ZFHX3: variants seen among roughly 807,000 people sequenced by gnomAD.
ZFHX3 encodes the protein zinc finger homeobox protein 3.
ZFHX3 carries 42 observed loss-of-function variants against 279.1 expected under a neutral mutation model. That is an observed-to-expected ratio of 0.15 (90% CI 0.12 to 0.19). The LOEUF (loss-of-function observed/expected upper bound fraction) is 0.19. ZFHX3 is among the 10% of genes least tolerant of loss of function. The pLI, the probability that ZFHX3 is intolerant of heterozygous loss-of-function variation, is 1.00. For synonymous variants in ZFHX3, 2,293 were observed against 1,957.8 expected, an observed-to-expected ratio of 1.17 and a Z score of -4.52; for missense variants, 4,981 against 4,754.0, an observed-to-expected ratio of 1.05 and a Z score of -1.40.
At chr16:73,544,034 T>G (rs1167878676) in intron 2 of ZFHX3, 1 of 152,164 alleles carries the variant, frequency 6.6e-6, no homozygotes, top group African/African-American at 2.4e-5. Flanking sequence ...GTTTTCAAGG[T>G]TGCATGGGCA....
At chr16:73,220,072 G>C (rs2012359126) in intron 5 of ZFHX3, among the ~76,000 whole-genome samples, 1 of 151,720 alleles carries the variant, frequency 6.6e-6, no homozygotes, top group South Asian at 2.1e-4. Context: ...GGCAACAAGA[G>C]CGAAACTCCC....
At chr16:73,156,799 C>T (rs188669374) in intron 5 of ZFHX3, among the ~76,000 whole-genome samples, 196 of 152,088 alleles carry the variant, frequency 1.3e-3, no homozygotes, top group African/African-American at 4.3e-3. Flanking sequence ...CTGCAACCTT[C>T]GCTTCCTGGG....
intron 4 of ZFHX3, among the ~76,000 whole-genome samples, chr16:73,309,217 C>A (rs987611665): frequency 2.0e-5 from 3 of 151,904 alleles, no homozygotes; most frequent in African/African-American, 7.3e-5. Flanking sequence ...TTTTTGGATC[C>A]TCTCCCTTCT....
intron 1 of ZFHX3, among the ~76,000 whole-genome samples, chr16:73,018,529 G>A (rs1964185672): frequency 1.3e-5 from 2 of 152,094 alleles, no homozygotes; most frequent in Non-Finnish European, 2.9e-5. Context: ...AACCCAGGAG[G>A]CAGAGACTGC....
intron 1 of ZFHX3, among the ~76,000 whole-genome samples, chr16:73,054,448 T>A (rs1333509315): frequency 1.5e-5 from 1 of 64,928 alleles, no homozygotes; most frequent in Non-Finnish European, 2.7e-5. Flanking sequence ...GAGGATTTTT[T>A]TTTTTTTTTT....
chr16:73,345,846 T>G (rs1338918578), intron 3 of ZFHX3, among the ~76,000 whole-genome samples: 1 of 152,162 alleles, frequency 6.6e-6, no homozygotes, highest in Admixed American at 6.5e-5. Flanking sequence ...TGCTTGGTGG[T>G]GCTCGGTGAC....
intron 4 of ZFHX3, among the ~76,000 whole-genome samples, chr16:72,864,457 T>G (rs568302808): frequency 4.6e-5 from 7 of 152,078 alleles, no homozygotes; most frequent in Non-Finnish European, 8.8e-5. Context: ...GTAGGAAGTC[T>G]TGAGGGGGCG....
intron 5 of ZFHX3, among the ~76,000 whole-genome samples, chr16:73,165,995 G>A (rs1196357989): frequency 6.6e-6 from 1 of 152,158 alleles, no homozygotes; most frequent in Non-Finnish European, 1.5e-5. Flanking sequence ...GCAGAAATAT[G>A]AACTATAAAA....
At chr16:73,056,868 A>G (rs538615256) in intron 1 of ZFHX3, among the ~76,000 whole-genome samples, 1 of 152,352 alleles carries the variant, frequency 6.6e-6, no homozygotes, top group East Asian at 1.9e-4. Context: ...CTATTCTCCC[A>G]AAGTAGGGAG....
chr16:73,342,061 G>T (rs2016042142), intron 3 of ZFHX3, among the ~76,000 whole-genome samples: 1 of 152,082 alleles, frequency 6.6e-6, no homozygotes, highest in Non-Finnish European at 1.5e-5. Flanking sequence ...TGGGTGAATT[G>T]TATGGTACAT....
At chr16:72,918,703 T>TC (rs892698068) in intron 3 of ZFHX3, among the ~76,000 whole-genome samples, 3 of 151,676 alleles carry the variant, frequency 2.0e-5, no homozygotes, top group African/African-American at 7.3e-5. Context: ...TTCTTTTTTT[T>TC]TTTTTTTTTT....
At position 72,960,134 on chromosome 16, in the gene ZFHX3, A is replaced by C; in HGVS notation, c.12T>G (p.Cys4Trp). Residue 4 changes from cysteine (C) to tryptophan (W), a missense_variant, in exon 2 of 10, where the codon TGT becomes TGG. Coordinates refer to ENST00000268489, the MANE Select transcript of ZFHX3 (RefSeq NM_006885.4). MEG[C>W]DSPVVSGKDN... ...CCTTCCCCGAGACGACGGGCGAGTC[A>C]CAGCCTTCCATGGTAAGGCCTGCGT... The C allele has an allele frequency of 6.3e-7, 1 of 1,579,814 alleles. No individual in the cohort carries two copies. The highest frequency in any genetic ancestry group is 8.6e-7 in the Non-Finnish European group (1 of 1,161,190).
intron 1 of ZFHX3, among the ~76,000 whole-genome samples, chr16:73,684,695 CTTTTTTTTTTTT>C (rs201167110): frequency 0.67 from 92,999 of 138,746 alleles, 30,985 homozygotes; most frequent in Middle Eastern, 0.85. Context: ...CACAAGGGTC[CTTTTTTTTTTTT>C]TTTTTTTTTT....
intron 1 of ZFHX3, among the ~76,000 whole-genome samples, 168 bp downstream of exon 1, chr16:73,047,584 T>C (rs530664311): frequency 5.9e-4 from 90 of 152,174 alleles, no homozygotes; most frequent in Non-Finnish European, 1.1e-3. Flanking sequence ...CAGCAGAATT[T>C]AGGCGCTCTC....
At chr16:73,148,961 G>T (rs1227566141) in intron 5 of ZFHX3, among the ~76,000 whole-genome samples, 1 of 151,044 alleles carries the variant, frequency 6.6e-6, no homozygotes, top group Admixed American at 6.6e-5. Flanking sequence ...CAAAACAAGA[G>T]GATGATTGTA....
intron 1 of ZFHX3, among the ~76,000 whole-genome samples, chr16:73,818,920 T>A (rs1960656395): frequency 6.6e-6 from 1 of 152,102 alleles, no homozygotes; most frequent in South Asian, 2.1e-4. Flanking sequence ...TGATTTAAAC[T>A]CCTGACAATG....
At chr16:72,875,405 C>G (rs1428028389) in intron 4 of ZFHX3, among the ~76,000 whole-genome samples, 1 of 152,220 alleles carries the variant, frequency 6.6e-6, no homozygotes. Flanking sequence ...GCCCTCTGTG[C>G]CAGGAGGCAC....
rs12933079 is a variant in ZFHX3, at chr16:73,597,772, A to T, written c.-1547+82408T>A. Reference sequence around the variant, plus strand: ...CAACACCTTGATTTCAGACTTCTAGACTGCAGAACTGTGAGAAAATGAATT... The same window carrying T: ...CAACACCTTGATTTCAGACTTCTAGTCTGCAGAACTGTGAGAAAATGAATT... On this transcript the variant is annotated intron_variant, in intron 2 of 17. Transcript: ENST00000641206. 2.2e-3 allele frequency among the ~76,000 whole-genome samples: 327 copies of T among 152,062 alleles called. 2 individuals carry two copies. The highest frequency in any genetic ancestry group is 7.2e-3 in the African/African-American group (298 of 41,492).
chr16:73,800,366 C>T (rs1449266626), intron 1 of ZFHX3, among the ~76,000 whole-genome samples: 4 of 151,990 alleles, frequency 2.6e-5, no homozygotes, highest in Non-Finnish European at 5.9e-5. Context: ...TACAGATGCA[C>T]ACCACCCGCC....
Sources: allele counts gnomAD v4.1 joint callset (sites outside exome capture counted in the v4.1 genomes callset), GRCh38; gene constraint gnomAD v4.1.1; transcripts MANE v1.5; gene names NCBI Gene and HGNC (gene_info 2026-07-23, HGNC 2026-07-21).